DGKB: variants seen among roughly 807,000 people sequenced by gnomAD.
DGKB encodes diacylglycerol kinase beta, also known as 90 kDa diacylglycerol kinase.
A neutral mutation model predicts 114.3 loss-of-function variants in DGKB; 67 were observed. The ratio of observed to expected loss-of-function variants is 0.59; its 90% CI spans 0.48 to 0.72. The LOEUF is 0.72. Among genes scored for constraint, DGKB ranks in the 30% least tolerant of loss-of-function variants. The pLI is 0.00. For synonymous variants in DGKB, 398 were observed against 323.1 expected (o/e 1.23, Z -2.49); for missense variants, 907 against 975.2 (o/e 0.93, Z 0.93).
intron 23 of DGKB, among the ~76,000 whole-genome samples, chr7:14,200,032 G>T (rs775676266): frequency 6.6e-6 from 1 of 151,970 alleles, no homozygotes; most frequent in African/African-American, 2.4e-5. Context: ...TCCAGGTTCA[G>T]AGCTGGCCTT....
At chr7:14,184,267 A>G (rs192624873) in intron 23 of DGKB, among the ~76,000 whole-genome samples, 2 of 152,270 alleles carry the variant, frequency 1.3e-5, no homozygotes, top group South Asian at 2.1e-4. Context: ...CTTTGTAACA[A>G]TTTGAACGGG....
intron 1 of DGKB, among the ~76,000 whole-genome samples, chr7:14,897,776 T>C (rs1782346719): frequency 6.6e-6 from 1 of 151,978 alleles, no homozygotes; most frequent in Admixed American, 6.6e-5. Context: ...AAATACACAC[T>C]TGCTCTCAGA....
chr7:14,960,639 G>A (rs1786786296), intron 1 of DGKB, among the ~76,000 whole-genome samples: 1 of 151,978 alleles, frequency 6.6e-6, no homozygotes, highest in African/African-American at 2.4e-5. Flanking sequence ...TGAAGTTAGA[G>A]AAAATCCAGT....
chr7:14,859,549 A>G (rs1850675494), intron 1 of DGKB, among the ~76,000 whole-genome samples: 1 of 152,148 alleles, frequency 6.6e-6, no homozygotes, highest in South Asian at 2.1e-4. Context: ...GTTACAATAG[A>G]TATAGAAGCA....
intron 20 of DGKB, among the ~76,000 whole-genome samples, chr7:14,548,557 G>A (rs1196681649): frequency 6.6e-6 from 1 of 152,148 alleles, no homozygotes; most frequent in Non-Finnish European, 1.5e-5. Context: ...CATCCAAACA[G>A]AATTGATGAT....
chr7:14,738,859 C>T (rs1564066453), intron 4 of DGKB, among the ~76,000 whole-genome samples: 1 of 152,176 alleles, frequency 6.6e-6, no homozygotes, highest in Admixed American at 6.5e-5. Flanking sequence ...TACCTTAAAA[C>T]AGCTCTTTCA....
At chr7:14,242,886 A>G (rs1793895077) in intron 23 of DGKB, among the ~76,000 whole-genome samples, 1 of 148,306 alleles carries the variant, frequency 6.7e-6, no homozygotes, top group South Asian at 2.1e-4. Flanking sequence ...TTTTTAAAGT[A>G]TGTGACGCTT....
intron 2 of DGKB, among the ~76,000 whole-genome samples, chr7:14,771,182 C>T (rs1432773230): frequency 6.6e-6 from 1 of 152,030 alleles, no homozygotes; most frequent in African/African-American, 2.4e-5. Flanking sequence ...GACTCTCAGA[C>T]CTTAGTTATA....
chr7:14,471,486 A>G (rs949286518), intron 21 of DGKB, among the ~76,000 whole-genome samples: 14 of 149,098 alleles, frequency 9.4e-5, no homozygotes, highest in African/African-American at 3.2e-4. Flanking sequence ...ATAATTTGAA[A>G]ATTGTATACT....
chr7:14,356,772 G>C (rs1292895961), intron 21 of DGKB, among the ~76,000 whole-genome samples: 1 of 152,162 alleles, frequency 6.6e-6, no homozygotes, highest in African/African-American at 2.4e-5. Flanking sequence ...TGCTTTAAAT[G>C]TGTCCCAGAG....
chr7:14,522,835 T>C (rs1359211835), intron 20 of DGKB, among the ~76,000 whole-genome samples: 1 of 152,196 alleles, frequency 6.6e-6, no homozygotes, highest in Admixed American at 6.6e-5. Context: ...CTGCTTGATT[T>C]ATACAAAATT....
At chr7:14,576,043 C>T (rs990110365) in intron 19 of DGKB, among the ~76,000 whole-genome samples, 4 of 152,086 alleles carry the variant, frequency 2.6e-5, no homozygotes, top group South Asian at 2.1e-4. Flanking sequence ...AGTAATTACT[C>T]GCTACTTAAT....
chr7:14,202,791 A>G (rs1461678357), intron 23 of DGKB, among the ~76,000 whole-genome samples: 1 of 151,978 alleles, frequency 6.6e-6, no homozygotes, highest in Non-Finnish European at 1.5e-5. Context: ...ATATTATCAC[A>G]TTTCTAGTTG....
intron 16 of DGKB, among the ~76,000 whole-genome samples, chr7:14,608,042 T>G (rs1804848026): frequency 6.6e-6 from 1 of 151,996 alleles, no homozygotes; most frequent in Non-Finnish European, 1.5e-5. Flanking sequence ...AACAAGATCT[T>G]GACCAGTCAT....
Position 14,569,247 on chromosome 7 carries a change from C to T in DGKB, c.1770+4965G>A, listed in dbSNP as rs143137132. Among the ~76,000 whole-genome samples, 676 of 152,140 alleles carry T rather than the reference C, an allele frequency of 4.4e-3. 1 individual carries two copies. The highest frequency in any genetic ancestry group is 7.1e-3 in the Non-Finnish European group (483 of 68,002). On this transcript the variant is annotated intron_variant, in intron 20 of 25. Coordinates refer to ENST00000402815, the MANE Select transcript of DGKB (RefSeq NM_001350709.2). ...GAGGAATGCCTCCTCTCTTTATCCC[C>T]CTAATCCCCATATTATGCTCAGGTA...
intron 1 of DGKB, among the ~76,000 whole-genome samples, chr7:14,974,508 T>G (rs1206036150): frequency 2.6e-5 from 4 of 152,052 alleles, no homozygotes; most frequent in Non-Finnish European, 4.4e-5. Context: ...CAAATATATC[T>G]CAAAACTCAC....
chr7:14,620,027 C>G (rs1282923637), intron 15 of DGKB, among the ~76,000 whole-genome samples: 2 of 151,076 alleles, frequency 1.3e-5, no homozygotes, highest in South Asian at 4.2e-4. Flanking sequence ...TAGGCATCCA[C>G]GTATTGAATT....
intron 23 of DGKB, among the ~76,000 whole-genome samples, chr7:14,266,732 G>A (rs1343844547): frequency 6.6e-6 from 1 of 152,044 alleles, no homozygotes; most frequent in African/African-American, 2.4e-5. Context: ...CCCTTTGATT[G>A]CTTTAATGGT....
chr7:14,714,367 C>G (rs923121776), intron 6 of DGKB, among the ~76,000 whole-genome samples: 1 of 152,118 alleles, frequency 6.6e-6, no homozygotes, highest in Admixed American at 6.6e-5. Flanking sequence ...GTGCAGGTCA[C>G]AGCCAAAGCA....
Sources: allele counts gnomAD v4.1 joint callset (sites outside exome capture counted in the v4.1 genomes callset), GRCh38; gene constraint gnomAD v4.1.1; transcripts MANE v1.5; gene names NCBI Gene and HGNC (gene_info 2026-07-23, HGNC 2026-07-21).